TBC1D31: variants seen among roughly 807,000 people sequenced by gnomAD.
TBC1D31 encodes TBC1 domain family member 31.
A neutral mutation model predicts 132.9 loss-of-function variants in TBC1D31; 99 were observed. The observed-to-expected ratio is 0.74, with a 90% confidence interval of 0.63 to 0.88. The LOEUF is 0.88. Among genes scored for constraint, TBC1D31 ranks in the 40% least tolerant of loss-of-function variants. TBC1D31 has a pLI of 0.00. For missense variants in TBC1D31, 1,134 were observed against 1,256.6 expected, an observed-to-expected ratio of 0.90 and a Z score of 1.48; for synonymous variants, 385 against 419.4, an observed-to-expected ratio of 0.92 and a Z score of 1.00.
chr8:123,140,681 A>T, intron 17 of TBC1D31, 80 bp from the exon 18 acceptor site: 1 of 1,145,734 alleles, frequency 8.7e-7, no homozygotes, highest in Non-Finnish European at 1.2e-6. Flanking sequence ...TTGTGTGCAT[A>T]TTACTATTCT....
At chr8:123,164,843 CA>C in the TBC1D31 span, among the ~76,000 whole-genome samples, 1 of 152,190 alleles carries the variant, frequency 6.6e-6, no homozygotes, top group Non-Finnish European at 1.5e-5. Flanking sequence ...TCTTCCTACA[CA>C]CAAACATAAA....
chr8:123,129,308 A>G, intron 15 of TBC1D31, 90 bp downstream of exon 15: 1 of 876,668 alleles, frequency 1.1e-6, no homozygotes, highest in Admixed American at 3.1e-5. Context: ...TAGAAACAAC[A>G]TTATATATAG....
intron 4 of TBC1D31, among the ~76,000 whole-genome samples, chr8:123,092,312 G>C (rs901598269): frequency 3.3e-5 from 5 of 152,122 alleles, no homozygotes; most frequent in Non-Finnish European, 5.9e-5. Flanking sequence ...ACCGTGCCTA[G>C]CCAGGACTAA....
intron 4 of TBC1D31, 69 bp downstream of exon 4, chr8:123,084,409 G>A (rs1815502439): frequency 7.1e-7 from 1 of 1,411,314 alleles, no homozygotes; most frequent in African/African-American, 1.4e-5. Flanking sequence ...AGGATGTATA[G>A]ATGATATAAG....
chr8:123,101,811 T>C (rs1037018633), intron 7 of TBC1D31, among the ~76,000 whole-genome samples: 1 of 152,238 alleles, frequency 6.6e-6, no homozygotes, highest in East Asian at 1.9e-4. Flanking sequence ...TCTGGACTAA[T>C]GGTAATTTAA....
rs1233340857 is a variant in TBC1D31 at position 123,129,199 on chromosome 8, A to G, written c.2251A>G (p.Met751Val). Reference protein sequence around the residue: ...REMLLQEEEKMIQQRQRLAAV... With the variant: ...REMLLQEEEKVIQQRQRLAAV... ...AATGCTCTTACAAGAGGAGGAGAAA[A>G]TGATACAACAAAGACAGAGGTATGT... Residue 751 changes from methionine (M) to valine (V), a missense_variant, in exon 15 of 22, where the codon ATG becomes GTG. Coordinates refer to ENST00000287380, the MANE Select transcript of TBC1D31 (RefSeq NM_145647.4). The G allele has an allele frequency of 6.3e-7, 1 of 1,597,162 alleles. No individual in the cohort carries two copies. The highest frequency in any genetic ancestry group is 8.6e-7 in the Non-Finnish European group (1 of 1,167,950).
chr8:123,098,996 C>A (rs886446103), intron 6 of TBC1D31, among the ~76,000 whole-genome samples: 9 of 152,210 alleles, frequency 5.9e-5, no homozygotes, highest in African/African-American at 2.2e-4. Flanking sequence ...GCATTTCAAG[C>A]AATCACATGG....
At chr8:123,156,670 G>A (rs1260206472), downstream of TBC1D31, among the ~76,000 whole-genome samples, 1 of 152,080 alleles carries the variant, frequency 6.6e-6, no homozygotes, top group Admixed American at 6.5e-5. Context: ...ACAGCTTCCG[G>A]CATATGGTAT....
At chr8:123,157,226 A>G in the TBC1D31 span, among the ~76,000 whole-genome samples, 13 of 152,080 alleles carry the variant, frequency 8.5e-5, no homozygotes, top group East Asian at 3.9e-4. Flanking sequence ...AAACAAAATT[A>G]TTGTGCCCCG....
chr8:123,085,471 G>A (rs757129435), intron 4 of TBC1D31, among the ~76,000 whole-genome samples: 10 of 152,100 alleles, frequency 6.6e-5, no homozygotes, highest in Non-Finnish European at 1.3e-4. Context: ...GTCTTGCTTT[G>A]TTGCCCAGGC....
At chr8:123,115,863 C>A (rs1178739679) in intron 10 of TBC1D31, among the ~76,000 whole-genome samples, 2 of 152,118 alleles carry the variant, frequency 1.3e-5, no homozygotes, top group Non-Finnish European at 2.9e-5. Flanking sequence ...AATGCCCTCA[C>A]CCCAAGGTGC....
At chr8:123,162,988 A>G in the TBC1D31 span, among the ~76,000 whole-genome samples, 8 of 151,558 alleles carry the variant, frequency 5.3e-5, no homozygotes, top group Admixed American at 1.3e-4. Context: ...GCGCCACCAC[A>G]CTCAGCTAAT....
chr8:123,082,436 ATCCAT>A (rs1815263956), intron 2 of TBC1D31: 1 of 356,040 alleles, frequency 2.8e-6, no homozygotes, highest in South Asian at 5.3e-5. Flanking sequence ...TTGTCCCTCT[ATCCAT>A]TTGCCATTGC....
intron 5 of TBC1D31, among the ~76,000 whole-genome samples, chr8:123,095,861 G>A (rs1816786910): frequency 6.6e-6 from 1 of 152,078 alleles, no homozygotes; most frequent in African/African-American, 2.4e-5. Flanking sequence ...TTTTGACTGG[G>A]CCAATCATTG....
At chr8:123,163,493 T>C in the TBC1D31 span, among the ~76,000 whole-genome samples, 2 of 149,610 alleles carry the variant, frequency 1.3e-5, no homozygotes, top group South Asian at 4.3e-4. Flanking sequence ...GCCTCCCAAG[T>C]AGCTGGGACC....
At chr8:123,137,095 CT>C (rs950169031) in intron 17 of TBC1D31, among the ~76,000 whole-genome samples, 2 of 152,162 alleles carry the variant, frequency 1.3e-5, no homozygotes, top group African/African-American at 4.8e-5. Context: ...CCATACGTAT[CT>C]AATTTGAATC....
chr8:123,159,662 C>T, the TBC1D31 span, among the ~76,000 whole-genome samples: 33 of 152,074 alleles, frequency 2.2e-4, no homozygotes, highest in Admixed American at 2.0e-4. Flanking sequence ...TGTGGTGGCG[C>T]ATGCCTGTAA....
intron 2 of TBC1D31, among the ~76,000 whole-genome samples, chr8:123,080,971 G>A (rs1174569058): frequency 1.3e-5 from 2 of 152,186 alleles, no homozygotes; most frequent in East Asian, 3.9e-4. Flanking sequence ...TAGCAGCAGA[G>A]CTGGGACTTA....
chr8:123,136,052 G>C (rs1821060939), intron 17 of TBC1D31, among the ~76,000 whole-genome samples: 1 of 152,106 alleles, frequency 6.6e-6, no homozygotes, highest in Admixed American at 6.5e-5. Flanking sequence ...AACTGTTACA[G>C]ACGTGATGCT....
Sources: allele counts gnomAD v4.1 joint callset (sites outside exome capture counted in the v4.1 genomes callset), GRCh38; gene constraint gnomAD v4.1.1; transcripts MANE v1.5; gene names NCBI Gene and HGNC (gene_info 2026-07-23, HGNC 2026-07-21).